The following FGD6 variants were observed in gnomAD, a reference collection of about 807,000 sequenced individuals.
FGD6 encodes FYVE, RhoGEF and PH domain containing 6.
FGD6 carries 90 observed loss-of-function variants against 149.4 expected under a neutral mutation model. That is an observed-to-expected ratio of 0.60 (90% CI 0.51 to 0.72). FGD6 has a LOEUF of 0.72. Among genes scored for constraint, FGD6 ranks in the 30% least tolerant of loss-of-function variants. FGD6 has a pLI of 0.00. For missense variants in FGD6, 1,437 were observed against 1,684.8 expected (o/e 0.85, Z 2.57); for synonymous variants, 527 against 584.0 (o/e 0.90, Z 1.41).
rs752769699 is a variant in FGD6 at position 95,134,764 on chromosome 12, G to T, written c.3057C>A (p.Ile1019=). The change falls in exon 8 of 21, where the codon ATC becomes ATA. Residue 1019 remains isoleucine (I), a synonymous_variant. Coordinates refer to ENST00000343958, the MANE Select transcript of FGD6 (RefSeq NM_018351.4). ...KHYLLKPVQR[I]PQYRLLLTDY... is the part of the protein sequence containing the mutation. The stretch of plus-strand genomic sequence containing the variant: ...CTGTCAGCAACAGCCTGTACTGGGG[G>T]ATCCTCTGAACCGGCTTGAGCAGGT... 1 of 1,613,782 alleles carries T rather than the reference G, an allele frequency of 6.2e-7. No homozygotes were observed. The highest frequency in any genetic ancestry group is 1.3e-5 in the African/African-American group (1 of 74,926).
Position 95,210,423 on chromosome 12 carries a change from A to G in FGD6, c.861T>C (p.Asp287=). 2.5e-6 allele frequency: 4 copies of G among 1,614,156 alleles called. No individual in the cohort carries two copies. The highest frequency in any genetic ancestry group is 3.4e-6 in the Non-Finnish European group (4 of 1,180,034). ...NGKRSTLISS[D]GVSKKSEVKD... ...TGACTTCTGATTTCTTACTAACTCC[A>G]TCTGAAGATATTAAAGTACTCCTTT... is the stretch of plus-strand genomic sequence containing the variant. Residue 287 remains aspartate (D), a synonymous_variant, in exon 2 of 21, where the codon GAT becomes GAC. Transcript: ENST00000343958.
At chr12:95,125,688 A>C in intron 8 of FGD6, 1 of 490,092 alleles carries the variant, frequency 2.0e-6, no homozygotes, top group Non-Finnish European at 3.7e-6. Flanking sequence ...AATTTATTCA[A>C]TACTATCTCT....
intron 14 of FGD6, among the ~76,000 whole-genome samples, chr12:95,102,521 G>A (rs1878484738): frequency 6.6e-6 from 1 of 151,082 alleles, no homozygotes; most frequent in South Asian, 2.1e-4. Flanking sequence ...AAGTGATTGA[G>A]AGTTTACCTG....
rs559530683 is a variant in FGD6 at position 95,128,895 on chromosome 12, A to G, written c.3082+5844T>C. On this transcript the variant is annotated intron_variant, in intron 8 of 20. Transcript: ENST00000343958. ...AACCTACTATAGCTAGACTAAAGGA[A>G]AAGAAGGTTCAGGTAATTCTGGGTT... is the stretch of plus-strand genomic sequence containing the variant. Among the ~76,000 whole-genome samples, 162 of 152,352 alleles carry G rather than the reference A, an allele frequency of 1.1e-3. 2 individuals carry two copies. The highest frequency in any genetic ancestry group is 3.6e-3 in the African/African-American group (151 of 41,584).
At chr12:95,175,791 C>T (rs1881115526) in intron 2 of FGD6, among the ~76,000 whole-genome samples, 1 of 133,564 alleles carries the variant, frequency 7.5e-6, no homozygotes, top group South Asian at 2.4e-4. Flanking sequence ...CAGAGTGAGA[C>T]TCTGTCTCAA....
At chr12:95,094,528 T>A in intron 15 of FGD6, 64 bp downstream of exon 15, 1 of 1,109,530 alleles carries the variant, frequency 9.0e-7, no homozygotes, top group African/African-American at 1.6e-5. Context: ...TAAACCCCTG[T>A]GAAATGTTTA....
chr12:95,161,568 G>C (rs541686429), intron 3 of FGD6, among the ~76,000 whole-genome samples: 1 of 152,178 alleles, frequency 6.6e-6, no homozygotes, highest in Admixed American at 6.6e-5. Flanking sequence ...CTCCAGGCTT[G>C]TAGTCCTCAA....
intron 7 of FGD6, among the ~76,000 whole-genome samples, chr12:95,137,283 A>G (rs1879695423): frequency 6.6e-6 from 1 of 152,222 alleles, no homozygotes; most frequent in Non-Finnish European, 1.5e-5. Flanking sequence ...CTGTCTCAAA[A>G]AAAAAATTCT....
intron 2 of FGD6, among the ~76,000 whole-genome samples, chr12:95,175,131 A>G (rs556209716): frequency 9.2e-5 from 14 of 152,298 alleles, no homozygotes; most frequent in African/African-American, 3.1e-4. Flanking sequence ...TTAAAACTAC[A>G]TGAATCAAAA....
chr12:95,165,344 T>C (rs1265293233), intron 3 of FGD6, among the ~76,000 whole-genome samples: 1 of 151,888 alleles, frequency 6.6e-6, no homozygotes, highest in African/African-American at 2.4e-5. Flanking sequence ...TTCTTTTTTT[T>C]TTTTTTGAGA....
At chr12:95,101,271 C>G (rs1385624721) in intron 14 of FGD6, among the ~76,000 whole-genome samples, 3 of 151,998 alleles carry the variant, frequency 2.0e-5, no homozygotes, top group African/African-American at 7.2e-5. Context: ...TGCTCGAACC[C>G]GGGAGGTGGA....
chr12:95,118,287 T>G (rs1879081131), intron 8 of FGD6, among the ~76,000 whole-genome samples: 1 of 150,470 alleles, frequency 6.6e-6, no homozygotes, highest in South Asian at 2.1e-4. Flanking sequence ...AGGTGGAGTT[T>G]GCAGTGAACC....
Position 95,120,679 on chromosome 12 carries a change from T to G in FGD6, c.3083-6978A>C, listed in dbSNP as rs557887338. On this transcript the variant is annotated intron_variant, in intron 8 of 20. Coordinates refer to ENST00000343958, the MANE Select transcript of FGD6 (RefSeq NM_018351.4). ...TCTAGCCTGGGTGACAGAGTGAAAC[T>G]CCACCTCAAAAATAAAATGAAATAA... is the stretch of plus-strand genomic sequence containing the variant. Among the ~76,000 whole-genome samples, 12 of 152,184 alleles carry G rather than the reference T, an allele frequency of 7.9e-5. No homozygotes were observed. In the East Asian group the frequency reaches 2.1e-3, roughly 27 times the overall value.
intron 2 of FGD6, among the ~76,000 whole-genome samples, chr12:95,180,133 G>A (rs973253966): frequency 2.0e-5 from 3 of 150,676 alleles, no homozygotes; most frequent in African/African-American, 7.3e-5. Flanking sequence ...TCATTCTCCA[G>A]GAAATATTGT....
intron 2 of FGD6, among the ~76,000 whole-genome samples, chr12:95,207,551 G>A (rs2056699442): frequency 6.6e-6 from 1 of 152,124 alleles, no homozygotes; most frequent in African/African-American, 2.4e-5. Flanking sequence ...GAAATACAAT[G>A]GAAAAGCTAC....
At chr12:95,096,014 C>CAAA (rs11383119) in intron 14 of FGD6, among the ~76,000 whole-genome samples, 6 of 124,718 alleles carry the variant, frequency 4.8e-5, no homozygotes, top group African/African-American at 1.7e-4. Context: ...ACACTGTCTC[C>CAAA]AAAAAAAAAA....
chr12:95,173,227 T>C (rs893291289), intron 2 of FGD6, among the ~76,000 whole-genome samples: 1 of 152,190 alleles, frequency 6.6e-6, no homozygotes, highest in African/African-American at 2.4e-5. Context: ...GGTGCAACTG[T>C]GAACATGTAC....
intron 14 of FGD6, among the ~76,000 whole-genome samples, chr12:95,095,520 A>G (rs375882930): frequency 2.0e-5 from 3 of 152,254 alleles, no homozygotes; most frequent in East Asian, 3.9e-4. Context: ...GGTATTATAA[A>G]TAAAAATAAA....
intron 2 of FGD6, among the ~76,000 whole-genome samples, chr12:95,204,794 C>T (rs1034430661): frequency 6.6e-6 from 1 of 152,076 alleles, no homozygotes; most frequent in Non-Finnish European, 1.5e-5. Context: ...GAAGACAGGG[C>T]AGTAATGGTT....
Sources: allele counts gnomAD v4.1 joint callset (sites outside exome capture counted in the v4.1 genomes callset), GRCh38; gene constraint gnomAD v4.1.1; transcripts MANE v1.5; gene names NCBI Gene and HGNC (gene_info 2026-07-23, HGNC 2026-07-21).